Variants in ANTXR2 observed in about 807,000 individuals in gnomAD.
ANTXR2 encodes the protein ANTXR cell adhesion molecule 2.
Under a neutral mutation model 73.7 loss-of-function variants are expected in ANTXR2, and 44 were observed. That is an observed-to-expected ratio of 0.60 (90% confidence interval 0.47 to 0.77). The LOEUF is 0.77. Among genes scored for constraint, ANTXR2 ranks in the 30% least tolerant of loss-of-function variants. The pLI, the probability that ANTXR2 is intolerant of heterozygous loss-of-function variation, is 0.00. For synonymous variants in ANTXR2, 217 were observed against 205.9 expected (o/e 1.05, Z -0.46); for missense variants, 604 against 592.5 (o/e 1.02, Z -0.20).
chr4:79,948,769 G>A (rs1010933308), intron 16 of ANTXR2, among the ~76,000 whole-genome samples: 3 of 152,028 alleles, frequency 2.0e-5, no homozygotes, highest in African/African-American at 7.2e-5. Context: ...AGAAGGAAGG[G>A]GAGGAGGAAG....
At chr4:80,042,268 C>T (rs376675733) in intron 7 of ANTXR2, among the ~76,000 whole-genome samples, 5 of 152,058 alleles carry the variant, frequency 3.3e-5, no homozygotes, top group African/African-American at 9.6e-5. Context: ...TGCAAAACTC[C>T]GTTTATAAAA....
chr4:80,005,822 G>A (rs911279606), intron 12 of ANTXR2, among the ~76,000 whole-genome samples: 3 of 152,226 alleles, frequency 2.0e-5, no homozygotes, highest in Non-Finnish European at 4.4e-5. Flanking sequence ...AGCCAGCAAA[G>A]TTTCTTTCAG....
chr4:79,934,449 C>G lies in ANTXR2; in HGVS notation c.1429-26982G>C, dbSNP rs556081993. On this transcript the variant is annotated intron_variant, in intron 16 of 16. Coordinates refer to ENST00000403729, the MANE Select transcript of ANTXR2 (RefSeq NM_058172.6). ...GGCTGAGGCATGGGAATCGTTTGAA[C>G]CTGGGAGGCAGAGGTTGCAATGAGC... Among the ~76,000 whole-genome samples the G allele has an allele frequency of 7.2e-5, 11 of 152,040 alleles. No individual in the cohort carries two copies. In the South Asian group the frequency reaches 2.3e-3, roughly 32 times the overall value.
At chr4:79,955,212 TTAAA>T (rs1728844100) in intron 16 of ANTXR2, among the ~76,000 whole-genome samples, 1 of 152,114 alleles carries the variant, frequency 6.6e-6, no homozygotes, top group African/African-American at 2.4e-5. Flanking sequence ...GGAATAAAAT[TTAAA>T]TAAATATACA....
intron 14 of ANTXR2, among the ~76,000 whole-genome samples, chr4:79,981,899 G>A (rs189893076): frequency 6.6e-6 from 1 of 152,234 alleles, no homozygotes; most frequent in East Asian, 1.9e-4. Context: ...GGATGTGTGG[G>A]CAACATAATT....
intron 7 of ANTXR2, among the ~76,000 whole-genome samples, chr4:80,043,679 T>C (rs1317409803): frequency 6.6e-6 from 1 of 151,992 alleles, no homozygotes; most frequent in Non-Finnish European, 1.5e-5. Context: ...GATAAAGCTG[T>C]TTATGTATCC....
At position 79,985,118 on chromosome 4, in the gene ANTXR2, G is replaced by C. The variant is rs35438544; in HGVS notation, c.1042-255C>G. Among the ~76,000 whole-genome samples the C allele has an allele frequency of 0.07, 10,701 of 152,052 alleles. 452 individuals carry two copies. Among genetic ancestry groups the C allele is most frequent in the Middle Eastern group, 0.11 (31 of 294 alleles). On this transcript the variant is annotated intron_variant, in intron 12 of 16. Coordinates refer to ENST00000403729, the MANE Select transcript of ANTXR2 (RefSeq NM_058172.6). ...AATCCCAGCACTTTGGGAAGCCGAGGGGGGCGGATCACGAGGTCAGCAGAT... is the reference window on the plus strand; with the variant it reads ...AATCCCAGCACTTTGGGAAGCCGAGCGGGGCGGATCACGAGGTCAGCAGAT...
chr4:80,011,221 T>C (rs970995389), intron 11 of ANTXR2, among the ~76,000 whole-genome samples: 3 of 152,110 alleles, frequency 2.0e-5, no homozygotes, highest in Non-Finnish European at 4.4e-5. Context: ...AGTATATATA[T>C]AAGCCAAACA....
At chr4:80,057,009 G>A (rs1734030590) in intron 3 of ANTXR2, among the ~76,000 whole-genome samples, 1 of 151,830 alleles carries the variant, frequency 6.6e-6, no homozygotes, top group African/African-American at 2.4e-5. Flanking sequence ...TTAAGATATT[G>A]TTTTCAGACT....
chr4:80,059,400 C>T (rs919595985), intron 3 of ANTXR2, among the ~76,000 whole-genome samples: 1 of 151,810 alleles, frequency 6.6e-6, no homozygotes, highest in African/African-American at 2.4e-5. Context: ...ACTCTGTCAC[C>T]CAGGCTGGAG....
rs921288051 is a variant in ANTXR2 at position 79,957,658 on chromosome 4, C to T, written c.1428+19963G>A. Among the ~76,000 whole-genome samples the T allele has an allele frequency of 2.0e-4, 31 of 151,880 alleles. 1 individual carries two copies. Among genetic ancestry groups the T allele is most frequent in the Admixed American group, 1.7e-3 (26 of 15,232 alleles). On this transcript the variant is annotated intron_variant, in intron 16 of 16. Coordinates refer to ENST00000403729, the MANE Select transcript of ANTXR2 (RefSeq NM_058172.6). ...TAAATGGAGAACATGAGATATAATC[C>T]GAAAATCATACTTTTGAAGTTTAGA...
intron 16 of ANTXR2, among the ~76,000 whole-genome samples, chr4:79,950,763 A>C (rs554268845): frequency 6.6e-6 from 1 of 152,296 alleles, no homozygotes; most frequent in East Asian, 1.9e-4. Context: ...TTCAGTGTGC[A>C]TGTCCAAGCC....
At chr4:80,002,424 G>A (rs1385626527) in intron 12 of ANTXR2, among the ~76,000 whole-genome samples, 1 of 152,118 alleles carries the variant, frequency 6.6e-6, no homozygotes, top group Non-Finnish European at 1.5e-5. Context: ...ATGAAATAAA[G>A]ACTTAAACGT....
intron 16 of ANTXR2, among the ~76,000 whole-genome samples, chr4:79,919,911 ATATAT>A (rs1727523255): frequency 5.4e-5 from 1 of 18,614 alleles, no homozygotes; most frequent in Non-Finnish European, 1.1e-4. Context: ...ATATATATAT[ATATAT>A]ATATAAAAAA....
intron 1 of ANTXR2, among the ~76,000 whole-genome samples, chr4:80,072,140 C>T (rs1734818813): frequency 6.6e-6 from 1 of 152,196 alleles, no homozygotes; most frequent in Admixed American, 6.5e-5. Flanking sequence ...CTCCCATTTC[C>T]CAAGAGGCCA....
In ANTXR2 at chr4:80,004,714, C is replaced by T. The variant is rs139292895; in HGVS notation, c.1041+3807G>A. Among the ~76,000 whole-genome samples, 115 of 152,176 alleles carry T rather than the reference C, an allele frequency of 7.6e-4. 1 individual carries two copies. The highest frequency in any genetic ancestry group is 2.6e-3 in the African/African-American group (110 of 41,526). ...AATGTCAAGATTTTTAATTTAATCA[C>T]ATCTGTAAAGTCCCTTTTGCTATAT... On this transcript the variant is annotated intron_variant, in intron 12 of 16. Coordinates refer to ENST00000403729, the MANE Select transcript of ANTXR2 (RefSeq NM_058172.6).
intron 14 of ANTXR2, among the ~76,000 whole-genome samples, chr4:79,978,965 C>T (rs1395097286): frequency 6.6e-6 from 1 of 152,102 alleles, no homozygotes; most frequent in African/African-American, 2.4e-5. Context: ...CCAAGCTCAT[C>T]TGAGTATGGT....
intron 3 of ANTXR2, among the ~76,000 whole-genome samples, chr4:80,056,989 A>G (rs1734029090): frequency 6.6e-6 from 1 of 151,940 alleles, no homozygotes; most frequent in East Asian, 1.9e-4. Context: ...TTAAAAGATA[A>G]GAAGATATCT....
intron 11 of ANTXR2, 105 bp from the exon 12 acceptor site, chr4:80,008,721 T>A (rs146905274): frequency 3.2e-6 from 2 of 633,842 alleles, no homozygotes; most frequent in Non-Finnish European, 5.2e-6. Flanking sequence ...TCAGAAAGTA[T>A]AATGTCAAAC....
Sources: allele counts gnomAD v4.1 joint callset (sites outside exome capture counted in the v4.1 genomes callset), GRCh38; gene constraint gnomAD v4.1.1; transcripts MANE v1.5; gene names NCBI Gene and HGNC (gene_info 2026-07-23, HGNC 2026-07-21).